Variants in TAF1 observed in about 807,000 individuals in gnomAD.
The protein encoded by TAF1 is TATA-box binding protein associated factor 1.
A neutral mutation model predicts 138.5 loss-of-function variants in TAF1; 2 were observed. The observed-to-expected ratio is 0.01, with a 90% CI of 0.01 to 0.05. The LOEUF is 0.05. Ranked by LOEUF, TAF1 falls within the 10% of genes least tolerant of loss-of-function variation. The pLI is 1.00. For synonymous variants in TAF1, 437 were observed against 503.2 expected, an observed-to-expected ratio of 0.87 and a Z score of 1.76; for missense variants, 709 against 1,478.0, an observed-to-expected ratio of 0.48 and a Z score of 8.53.
intron 13 of TAF1, among the ~76,000 whole-genome samples, chrX:71,486,258 A>G (rs1439512886): frequency 1.8e-5 from 2 of 111,649 alleles, no homozygotes; most frequent in African/African-American, 6.5e-5. Context: ...TATGTTGCCC[A>G]GGCTGGCCTG....
At chrX:71,422,322 ATTT>A (rs757749745) in intron 29 of TAF1, among the ~76,000 whole-genome samples, 2 of 94,452 alleles carry the variant, frequency 2.1e-5, no homozygotes, top group Non-Finnish European at 2.1e-5. Context: ...TTTTACTGGA[ATTT>A]TTTTTTTTTT....
intron 32 of TAF1, among the ~76,000 whole-genome samples, chrX:71,432,311 T>C (rs1413965591): frequency 8.9e-6 from 1 of 111,993 alleles, no homozygotes; most frequent in African/African-American, 3.2e-5. Flanking sequence ...GAGAAAGTTT[T>C]AACATCTTAT....
chrX:71,454,704 A>G, intron 33 of TAF1, 37 bp from the exon 34 acceptor site: 2 of 1,152,806 alleles, frequency 1.7e-6, no homozygotes, highest in Non-Finnish European at 2.3e-6. Context: ...AGTACTTAAA[A>G]TACATGTTGA....
At chrX:71,474,775 TAGAC>T (rs1217909857) in intron 13 of TAF1, among the ~76,000 whole-genome samples, 6 of 111,749 alleles carry the variant, frequency 5.4e-5, no homozygotes, top group Non-Finnish European at 1.1e-4. Flanking sequence ...TTTAGATAGG[TAGAC>T]AGAGAAGGTG....
intron 13 of TAF1, among the ~76,000 whole-genome samples, chrX:71,519,553 G>A (rs559787132): frequency 9.5e-6 from 1 of 105,597 alleles, no homozygotes; most frequent in South Asian, 4.3e-4. Context: ...TGAGGCAGGA[G>A]AATGGCATGA....
chrX:71,392,820 C>T, intron 19 of TAF1, 55 bp from the exon 20 acceptor site: 1 of 1,201,884 alleles, frequency 8.3e-7, no homozygotes, highest in Non-Finnish European at 1.1e-6. Flanking sequence ...ACTTAGATGC[C>T]TACTTAAAAG....
Position 71,383,165 on chromosome X carries a change from G to GTATA in TAF1, c.1947+2_1947+5dup. ...AAAGCACATCAAAAAAAAGGCCAAGGTATAATTGAATTCTGGTTAGAAAAC... is the reference window on the plus strand; with the variant it reads ...AAAGCACATCAAAAAAAAGGCCAAGGTATATATAATTGAATTCTGGTTAGAAAAC... On this transcript the variant is annotated splice_donor_variant, in intron 12 of 37. Transcript: ENST00000423759. LOFTEE classifies it high-confidence loss of function. The GTATA allele has an allele frequency of 1.7e-6, 2 of 1,206,868 alleles. No individual in the cohort carries two copies. Among genetic ancestry groups the GTATA allele is most frequent in the South Asian group, 3.6e-5 (2 of 55,865 alleles).
rs2033673420 is a variant in TAF1 at position 71,378,949 on chromosome X, G to A, written c.1278G>A (p.Gly426=). The change falls in exon 8 of 38, where the codon GGG becomes GGA. Residue 426 remains glycine, a synonymous_variant. Transcript: ENST00000423759. ...IWDGEDVKHK[G]TKPQRASLAG... ...ATGGGGAGGATGTCAAACACAAAGG[G>A]ACAAAACCTCAGCGTGCAAGCCTGG... 8.3e-7 allele frequency: 1 copy of A among 1,208,473 alleles called. No individual in the cohort carries two copies. Among genetic ancestry groups the A allele is most frequent in the Non-Finnish European group, 1.1e-6 (1 of 895,034 alleles).
rs865863722 is a variant in TAF1, at chrX:71,475,602, A to G, written c.1366+14799A>G. Among the ~76,000 whole-genome samples the G allele has an allele frequency of 5.7e-4, 55 of 97,232 alleles. 4 individuals carry two copies. Among genetic ancestry groups the G allele is most frequent in the African/African-American group, 2.8e-3 (54 of 19,154 alleles). 84.4% of individuals were successfully genotyped at this position (97,232 alleles called of 115,157 possible). A position where few individuals can be genotyped will look rare whatever the true frequency, so the allele number is the denominator to read the frequency against. On this transcript the variant is annotated intron_variant and NMD_transcript_variant, in intron 13 of 14. Transcript: ENST00000373775. ...TCCGTTTCAAAAAAAAAAAAAAAAG[A>G]AAAAGAAAAAGGATAAATCTAAATA...
intron 13 of TAF1, among the ~76,000 whole-genome samples, chrX:71,511,691 C>T (rs17217228): frequency 9.0e-6 from 1 of 111,730 alleles, no homozygotes; most frequent in Admixed American, 9.5e-5. Flanking sequence ...GACAATGTGA[C>T]TTTGGCTGTT....
Position 71,406,621 on chromosome X carries a change from A to AATT in TAF1, c.3999-16_3999-15insTTA. 1 of 1,196,253 alleles carries AATT rather than the reference A, an allele frequency of 8.4e-7. No individual in the cohort carries two copies. Among genetic ancestry groups the AATT allele is most frequent in the South Asian group, 1.8e-5 (1 of 56,082 alleles). ...TAGAAATAGGGGCTGTATCTAACTA[A>AATT]AGTGTTTTGATTTTAGTGCGGATGA... On this transcript the variant is annotated splice_polypyrimidine_tract_variant and intron_variant, in intron 25 of 37. Transcript: ENST00000423759.
At chrX:71,448,928 C>T (rs1235499262) in intron 32 of TAF1, among the ~76,000 whole-genome samples, 2 of 109,537 alleles carry the variant, frequency 1.8e-5, no homozygotes, top group African/African-American at 3.3e-5. Context: ...AAGTGATTCT[C>T]CTGCCTCAGC....
At chrX:71,400,466 A>G (rs1450418399) in intron 24 of TAF1, among the ~76,000 whole-genome samples, 1 of 112,065 alleles carries the variant, frequency 8.9e-6, no homozygotes, top group African/African-American at 3.2e-5. Context: ...ATGTACCTTT[A>G]AAATATTGTA....
chrX:71,390,714 G>A (rs1026563860), intron 18 of TAF1, among the ~76,000 whole-genome samples: 11 of 111,458 alleles, frequency 9.9e-5, no homozygotes, highest in Admixed American at 2.9e-4. Flanking sequence ...AATGTCTCAC[G>A]GCCGGGCGCG....
chrX:71,474,358 G>T (rs1005619789), intron 13 of TAF1, among the ~76,000 whole-genome samples: 1 of 111,590 alleles, frequency 9.0e-6, no homozygotes, highest in African/African-American at 3.2e-5. Context: ...TAGGGAAGGA[G>T]CCAGGCTTGG....
chrX:71,408,057 A>C lies in TAF1; in HGVS notation c.4290A>C (p.Thr1430=), dbSNP rs185754536. Residue 1430 remains threonine, a synonymous_variant, in exon 28 of 38, where the codon ACA becomes ACC. Coordinates refer to ENST00000423759, the MANE Select transcript of TAF1 (RefSeq NM_004606.5). The stretch of plus-strand genomic sequence containing the variant: ...TCACTCGGCCAATGGACCTACAAAC[A>C]CTCCGCGAAAACGTGCGTAAACGCC... The part of the protein sequence containing the change: ...KIITRPMDLQ[T]LRENVRKRLY... 1.7e-6 allele frequency: 2 copies of C among 1,209,462 alleles called. No individual in the cohort carries two copies. The highest frequency in any genetic ancestry group is 2.2e-6 in the Non-Finnish European group (2 of 895,155).
intron 34 of TAF1, 22 bp from the exon 35 acceptor site, chrX:71,458,219 A>G: frequency 8.3e-7 from 1 of 1,206,464 alleles, no homozygotes. Flanking sequence ...ATAGAAGCTA[A>G]GTTGTATGTT....
At chrX:71,431,367 A>C (rs748208863) in intron 32 of TAF1, among the ~76,000 whole-genome samples, 10 of 110,417 alleles carry the variant, frequency 9.1e-5, no homozygotes, top group Non-Finnish European at 1.5e-4. Flanking sequence ...CTGGCCTCAG[A>C]AGAGAATTTA....
At chrX:71,407,816 T>C in intron 27 of TAF1, 144 bp downstream of exon 27, 1 of 970,196 alleles carries the variant, frequency 1.0e-6, no homozygotes, top group East Asian at 3.2e-5. Flanking sequence ...TGTTTGTTTG[T>C]TTTTTTAAGC....
Sources: gnomAD v4.1 joint callset for allele counts (sites outside exome capture counted in the v4.1 genomes callset) on GRCh38, gnomAD v4.1.1 for gene constraint, MANE v1.5 for transcripts, NCBI Gene and HGNC (gene_info 2026-07-23, HGNC 2026-07-21) for gene names.